GDPD1: variants seen among roughly 807,000 people sequenced by gnomAD.
GDPD1 encodes lysophospholipase D GDPD1.
A neutral mutation model predicts 45.1 loss-of-function variants in GDPD1; 28 were observed. The ratio of observed to expected loss-of-function variants is 0.62; its 90% CI spans 0.46 to 0.85. GDPD1 has a LOEUF of 0.85. Ranked by LOEUF, GDPD1 falls within the 40% of genes least tolerant of loss-of-function variation. The pLI is 0.00. For synonymous variants in GDPD1, 139 were observed against 131.4 expected (o/e 1.06, Z -0.40); for missense variants, 256 against 364.8 (o/e 0.70, Z 2.43).
In GDPD1 at chr17:59,220,574, G is replaced by T; in HGVS notation, c.-36G>T. 6.2e-7 allele frequency: 1 copy of T among 1,605,356 alleles called. No homozygotes were observed. The highest frequency in any genetic ancestry group is 8.5e-7 in the Non-Finnish European group (1 of 1,175,248). ...CTACTGCCGCAGCGGAGTTCAGAGG[G>T]CCCGGAGGTGGGAGACTTCCCACAC... On this transcript the variant is annotated 5_prime_UTR_variant, in exon 1 of 10. Coordinates refer to ENST00000284116, the MANE Select transcript of GDPD1 (RefSeq NM_182569.4).
At chr17:59,250,345 A>G (rs2047243233) in intron 4 of GDPD1, among the ~76,000 whole-genome samples, 1 of 152,106 alleles carries the variant, frequency 6.6e-6, no homozygotes, top group South Asian at 2.1e-4. Flanking sequence ...AATCCAGCAG[A>G]TGTGGTGGCT....
chr17:59,275,045 T>C lies in GDPD1; in HGVS notation c.*1272T>C, dbSNP rs889473177. 8 of 810,944 alleles carry C rather than the reference T, an allele frequency of 9.9e-6. No individual in the cohort carries two copies. Among genetic ancestry groups the C allele is most frequent in the Non-Finnish European group, 1.6e-5 (8 of 495,634 alleles). The allele number at this position is 810,944 out of a possible 1,614,324, so 50.2% of individuals were successfully genotyped here. On this transcript the variant is annotated 3_prime_UTR_variant, in exon 10 of 10. Transcript: ENST00000284116. Reference sequence around the variant, plus strand: ...TTAGTAGAGACAGGGTTTTGCCACGTTGGCCAGACTGGTCTCGAACTCCTG... The same window carrying C: ...TTAGTAGAGACAGGGTTTTGCCACGCTGGCCAGACTGGTCTCGAACTCCTG...
intron 1 of GDPD1, among the ~76,000 whole-genome samples, 168 bp downstream of exon 1, chr17:59,220,919 T>C (rs2046998946): frequency 6.6e-6 from 1 of 151,746 alleles, no homozygotes; most frequent in Admixed American, 6.6e-5. Flanking sequence ...GAAGGTCTCC[T>C]GAGGGGAGGG....
At chr17:59,242,312 C>T in intron 2 of GDPD1, among the ~76,000 whole-genome samples, 1 of 152,232 alleles carries the variant, frequency 6.6e-6, no homozygotes, top group Non-Finnish European at 1.5e-5. Flanking sequence ...ATTCGCCTGC[C>T]TTGGCCTCCC....
chr17:59,234,624 G>A (rs533649819), intron 2 of GDPD1, 90 bp downstream of exon 2: 25 of 842,934 alleles, frequency 3.0e-5, no homozygotes, highest in Non-Finnish European at 4.5e-5. Context: ...AGTGAGGATA[G>A]TGTAAGTGTA....
At chr17:59,246,332 A>T (rs1247228369) in intron 3 of GDPD1, among the ~76,000 whole-genome samples, 1 of 151,910 alleles carries the variant, frequency 6.6e-6, no homozygotes, top group Non-Finnish European at 1.5e-5. Context: ...TTATAACATG[A>T]TAATGGCCGG....
chr17:59,257,873 C>A, intron 6 of GDPD1, 33 bp downstream of exon 6: 1 of 1,350,180 alleles, frequency 7.4e-7, no homozygotes, highest in Non-Finnish European at 1.0e-6. Context: ...AATTATCTAT[C>A]TTTGTTGTTG....
intron 7 of GDPD1, 97 bp from the exon 8 acceptor site, chr17:59,270,839 T>C: frequency 1.3e-6 from 1 of 773,376 alleles, no homozygotes; most frequent in Non-Finnish European, 2.2e-6. Context: ...ATATACAAAG[T>C]ACAAGGCACT....
intron 1 of GDPD1, among the ~76,000 whole-genome samples, chr17:59,224,304 T>TTAAGAAACTACCACTTG (rs1421721981): frequency 1.3e-5 from 2 of 152,102 alleles, no homozygotes; most frequent in Admixed American, 6.6e-5. Context: ...CAATGACCTT[T>TTAAGAAACTACCACTTG]TAAGAAACTA....
rs182993198 is a variant in GDPD1 at position 59,237,377 on chromosome 17, A to G, written c.185+2843A>G. Among the ~76,000 whole-genome samples, 15 of 152,282 alleles carry G rather than the reference A, an allele frequency of 9.9e-5. No individual in the cohort carries two copies. In the East Asian group the frequency reaches 2.9e-3, roughly 29 times the overall value. ...GATGGCACCACTGTACTCCAGCCTG[A>G]GTGACAGAGCCAGACCTTGTCTCAA... On this transcript the variant is annotated intron_variant, in intron 2 of 9. Coordinates refer to ENST00000284116, the MANE Select transcript of GDPD1 (RefSeq NM_182569.4).
intron 1 of GDPD1, among the ~76,000 whole-genome samples, chr17:59,229,663 A>G (rs1289883783): frequency 6.6e-6 from 1 of 152,160 alleles, no homozygotes; most frequent in East Asian, 1.9e-4. Context: ...ACGCCCAGCC[A>G]TAAATTTTTT....
At chr17:59,261,686 A>G (rs1191972707) in intron 6 of GDPD1, among the ~76,000 whole-genome samples, 2 of 151,188 alleles carry the variant, frequency 1.3e-5, no homozygotes. Context: ...TTTTGCAGAG[A>G]CAGGGTCTCA....
chr17:59,221,419 CTTT>C (rs36143328), intron 1 of GDPD1, among the ~76,000 whole-genome samples: 2 of 126,876 alleles, frequency 1.6e-5, no homozygotes, highest in Admixed American at 8.0e-5. Flanking sequence ...AACCTTGCAT[CTTT>C]TTTTTTTTTT....
chr17:59,263,654 AT>A (rs2047376812), intron 6 of GDPD1, among the ~76,000 whole-genome samples: 1 of 150,798 alleles, frequency 6.6e-6, no homozygotes, highest in African/African-American at 2.4e-5. Flanking sequence ...AATTTTTTGT[AT>A]TTTTAGTAGA....
At chr17:59,234,382 AC>A (rs113162600) in intron 1 of GDPD1, 109 bp from the exon 2 acceptor site, 73,041 of 548,950 alleles carry the variant, frequency 0.13, 568 homozygotes, top group South Asian at 0.16. Context: ...TGTAATGTCT[AC>A]CCCCAAAAAA....
In GDPD1 at chr17:59,234,386, C is replaced by CAA. The variant is rs1354865696; in HGVS notation, c.143-106_143-105insAA. On this transcript the variant is annotated intron_variant, in intron 1 of 9. Coordinates refer to ENST00000284116, the MANE Select transcript of GDPD1 (RefSeq NM_182569.4). ...AAAAAAACACTTGTAATGTCTACCC[C>CAA]CAAAAAAAAAAAAAAGGTCAAGATT... 1,081 of 547,758 alleles carry CAA rather than the reference C, an allele frequency of 2.0e-3. 3 individuals carry two copies. Among genetic ancestry groups the CAA allele is most frequent in the Non-Finnish European group, 2.0e-3 (654 of 321,178 alleles). 33.9% of individuals were successfully genotyped at this position (547,758 alleles called of 1,614,324 possible). A position where few individuals can be genotyped will look rare whatever the true frequency, so the allele number is the denominator to read the frequency against.
chr17:59,257,236 A>C lies in GDPD1; in HGVS notation c.482A>C (p.Lys161Thr), dbSNP rs773334742. 1 of 1,540,408 alleles carries C rather than the reference A, an allele frequency of 6.5e-7. No individual in the cohort carries two copies. Among genetic ancestry groups the C allele is most frequent in the Admixed American group, 1.8e-5 (1 of 55,060 alleles). ...DIKVNNNVLI[K>T]KVSELVKRYN... Reference sequence around the variant, plus strand: ...AAAGTCAACAACAATGTGCTGATTAAGAAGGTACTCAAGGCATTGCCTCCT... The same window carrying C: ...AAAGTCAACAACAATGTGCTGATTACGAAGGTACTCAAGGCATTGCCTCCT... The change falls in exon 5 of 10, where the codon AAG becomes ACG. Residue 161 changes from lysine to threonine, a missense_variant. By Grantham distance (78) the Lys-to-Thr change is moderately conservative. Coordinates refer to ENST00000284116, the MANE Select transcript of GDPD1 (RefSeq NM_182569.4).
In GDPD1 at chr17:59,245,554, G is replaced by A. The variant is rs750710325; in HGVS notation, c.321+5G>A. On this transcript the variant is annotated splice_donor_5th_base_variant and intron_variant, in intron 3 of 9. Transcript: ENST00000284116. The stretch of plus-strand genomic sequence containing the variant: ...ATCTCTGATCTCAAATACTGTGTAA[G>A]TAAAAATGCATGATAAACTAATATC... 2 of 1,596,560 alleles carry A rather than the reference G, an allele frequency of 1.3e-6. No homozygotes were observed.
At chr17:59,227,587 T>C (rs555581014) in intron 1 of GDPD1, among the ~76,000 whole-genome samples, 35 of 152,236 alleles carry the variant, frequency 2.3e-4, no homozygotes, top group Non-Finnish European at 3.2e-4. Context: ...AATGGACATT[T>C]ACCAAGTACC....
Sources: allele counts gnomAD v4.1 joint callset (sites outside exome capture counted in the v4.1 genomes callset), GRCh38; gene constraint gnomAD v4.1.1; transcripts MANE v1.5; gene names NCBI Gene and HGNC (gene_info 2026-07-23, HGNC 2026-07-21).